Variants in SLC25A48 observed in about 807,000 individuals in gnomAD.
The protein encoded by SLC25A48 is solute carrier family 25 member 48, also known as CTC-321K16.1.
A neutral mutation model predicts 32.2 loss-of-function variants in SLC25A48; 29 were observed. The observed-to-expected ratio is 0.90, with a 90% CI of 0.67 to 1.23. The LOEUF (loss-of-function observed/expected upper bound fraction) is 1.23. Ranked by LOEUF, SLC25A48 falls within the 50% of genes most tolerant of loss-of-function variation. SLC25A48 has a pLI of 0.00. For synonymous variants in SLC25A48, 164 were observed against 172.3 expected, an observed-to-expected ratio of 0.95 and a Z score of 0.38; for missense variants, 399 against 422.7, an observed-to-expected ratio of 0.94 and a Z score of 0.49.
chr5:135,837,264 G>A (rs1327148633), intron 1 of SLC25A48, among the ~76,000 whole-genome samples: 2 of 152,034 alleles, frequency 1.3e-5, no homozygotes, highest in Non-Finnish European at 2.9e-5. Flanking sequence ...CTCTGCCTCT[G>A]CCCAGTTTAG....
intron 3 of SLC25A48, among the ~76,000 whole-genome samples, chr5:135,639,699 T>C (rs373445950): frequency 3.3e-5 from 5 of 152,104 alleles, no homozygotes; most frequent in African/African-American, 9.7e-5. Context: ...TGCTCTAGAG[T>C]AAAGTTCATA....
At chr5:135,785,557 G>T (rs575286013) in intron 3 of SLC25A48, among the ~76,000 whole-genome samples, 4 of 151,442 alleles carry the variant, frequency 2.6e-5, no homozygotes, top group East Asian at 4.0e-4. Flanking sequence ...AATATCCAGG[G>T]GGGGAGAGGG....
chr5:135,856,080 A>T (rs1760292281), intron 4 of SLC25A48, among the ~76,000 whole-genome samples: 1 of 152,150 alleles, frequency 6.6e-6, no homozygotes, highest in South Asian at 2.1e-4. Flanking sequence ...TGGAGGAAGG[A>T]TAGGCTTGCA....
At chr5:135,593,186 C>T (rs1751567527) in intron 1 of SLC25A48, among the ~76,000 whole-genome samples, 1 of 152,186 alleles carries the variant, frequency 6.6e-6, no homozygotes, top group South Asian at 2.1e-4. Flanking sequence ...TGACCAGTCC[C>T]TCATTTCTAG....
intron 3 of SLC25A48, among the ~76,000 whole-genome samples, chr5:135,714,498 G>C (rs1359090913): frequency 6.6e-6 from 1 of 152,222 alleles, no homozygotes; most frequent in African/African-American, 2.4e-5. Flanking sequence ...CGGGCTTGCA[G>C]TGGAAGCCAA....
chr5:135,723,380 TCACACACA>T (rs138387748), intron 3 of SLC25A48, among the ~76,000 whole-genome samples: 3 of 111,714 alleles, frequency 2.7e-5, no homozygotes, highest in Admixed American at 9.3e-5. Context: ...TCTCTCTCTC[TCACACACA>T]CACACACACA....
At chr5:135,870,587 A>G (rs1264104108) in intron 4 of SLC25A48, among the ~76,000 whole-genome samples, 2 of 152,192 alleles carry the variant, frequency 1.3e-5, no homozygotes, top group Non-Finnish European at 2.9e-5. Flanking sequence ...CAAGAGCCCC[A>G]GTGCTGCCCT....
intron 4 of SLC25A48, among the ~76,000 whole-genome samples, chr5:135,828,045 G>A (rs1192685214): frequency 1.3e-5 from 2 of 152,246 alleles, no homozygotes; most frequent in Non-Finnish European, 2.9e-5. Context: ...GAGCCCTGCA[G>A]TAGCCTGTCA....
At chr5:135,628,764 T>G (rs1349037363) in intron 1 of SLC25A48, among the ~76,000 whole-genome samples, 1 of 152,120 alleles carries the variant, frequency 6.6e-6, no homozygotes, top group Non-Finnish European at 1.5e-5. Flanking sequence ...AAGAGGAGCC[T>G]CTCTCCCTCT....
chr5:135,852,589 C>T lies in SLC25A48; in HGVS notation c.189C>T (p.Ser63=). Residue 63 remains serine, a synonymous_variant, in exon 4 of 8, where the codon TCC becomes TCT. Transcript: ENST00000681962. The part of the protein sequence containing the change: ...ESMFGFFKGM[S]FPLASIAVYN... ...TGTTCGGCTTCTTCAAGGGCATGTC[C>T]TTCCCCCTCGCCAGCATTGCCGTCT... 1.9e-6 allele frequency: 3 copies of T among 1,601,370 alleles called. No individual in the cohort carries two copies. The highest frequency in any genetic ancestry group is 2.2e-5 in the East Asian group (1 of 44,508).
intron 4 of SLC25A48, among the ~76,000 whole-genome samples, chr5:135,854,569 T>C (rs908945638): frequency 1.3e-5 from 2 of 152,182 alleles, no homozygotes; most frequent in African/African-American, 2.4e-5. Flanking sequence ...CTTCCTCACC[T>C]CTCTCCACCT....
In SLC25A48 at chr5:135,844,574, C is replaced by T. The variant is rs567933352; in HGVS notation, c.90+2115C>T. 9.2e-5 allele frequency among the ~76,000 whole-genome samples: 14 copies of T among 152,294 alleles called. No homozygotes were observed. The Middle Eastern group carries it at 0.014, about 148-fold the overall frequency. ...TGATTGCATAGCCTTCTGTTAAACACGATACAAATCCTTGGCTTACAGGGT... is the reference window on the plus strand; with the variant it reads ...TGATTGCATAGCCTTCTGTTAAACATGATACAAATCCTTGGCTTACAGGGT... On this transcript the variant is annotated intron_variant, in intron 2 of 7. Transcript: ENST00000681962.
intron 3 of SLC25A48, among the ~76,000 whole-genome samples, chr5:135,662,640 T>G (rs1057144933): frequency 6.6e-6 from 1 of 152,056 alleles, no homozygotes; most frequent in Non-Finnish European, 1.5e-5. Flanking sequence ...AGGGGTGAGC[T>G]TCCCCCAGCT....
At chr5:135,718,405 G>A (rs960552589) in intron 3 of SLC25A48, among the ~76,000 whole-genome samples, 4 of 152,134 alleles carry the variant, frequency 2.6e-5, no homozygotes, top group East Asian at 3.9e-4. Context: ...CTCAAACCAC[G>A]TAGGTTGCAA....
chr5:135,842,597 T>C, intron 2 of SLC25A48, 138 bp downstream of exon 2: 1 of 855,200 alleles, frequency 1.2e-6, no homozygotes, highest in Non-Finnish European at 1.9e-6. Flanking sequence ...CCAGGGGGTG[T>C]TGGGTGCCAG....
At chr5:135,813,056 G>T (rs540265033) in intron 4 of SLC25A48, 2 of 152,426 alleles carry the variant, frequency 1.3e-5, no homozygotes, top group East Asian at 3.9e-4. Flanking sequence ...CCCCGGGGTT[G>T]TTGGGATACC....
At chr5:135,580,603 GC>G (rs1561743620) in intron 1 of SLC25A48, among the ~76,000 whole-genome samples, 4 of 152,200 alleles carry the variant, frequency 2.6e-5, no homozygotes, top group African/African-American at 9.6e-5. Context: ...AAAGCCAATA[GC>G]TGGACATTTG....
chr5:135,751,557 G>GT (rs1755770715), intron 3 of SLC25A48, among the ~76,000 whole-genome samples: 2 of 152,184 alleles, frequency 1.3e-5, no homozygotes, highest in Admixed American at 6.5e-5. Context: ...ACACAGGTCA[G>GT]GTGCAGTGGC....
intron 6 of SLC25A48, 38 bp downstream of exon 6, chr5:135,874,192 C>G (rs925333399): frequency 5.0e-6 from 7 of 1,403,296 alleles, no homozygotes; most frequent in Non-Finnish European, 6.4e-6. Context: ...AGTGTCAGTC[C>G]CTGGAAGGTG....
Sources: gnomAD v4.1 joint callset for allele counts (sites outside exome capture counted in the v4.1 genomes callset) on GRCh38, gnomAD v4.1.1 for gene constraint, MANE v1.5 for transcripts, NCBI Gene and HGNC (gene_info 2026-07-23, HGNC 2026-07-21) for gene names.